DZIP3: variants seen among roughly 807,000 people sequenced by gnomAD.
The protein encoded by DZIP3 is DAZ interacting zinc finger protein 3.
A neutral mutation model predicts 162.0 loss-of-function variants in DZIP3; 118 were observed. The observed-to-expected ratio is 0.73, with a 90% CI of 0.63 to 0.85. The LOEUF (loss-of-function observed/expected upper bound fraction) is 0.85, where lower values mean the gene tolerates loss of function less well. Ranked by LOEUF, DZIP3 falls within the 40% of genes least tolerant of loss-of-function variation. The pLI is 0.00. For missense variants in DZIP3, 1,331 were observed against 1,407.0 expected (o/e 0.95, Z 0.86); for synonymous variants, 438 against 458.6 (o/e 0.96, Z 0.57).
Position 108,672,482 on chromosome 3 carries a change from T to C in DZIP3, c.2493-78T>C, listed in dbSNP as rs75393180. 1.5e-3 allele frequency: 1,839 copies of C among 1,190,792 alleles called. 15 individuals carry two copies. The African/African-American group carries it at 0.025, about 16-fold the overall frequency. 73.8% of individuals were successfully genotyped at this position (1,190,792 alleles called of 1,614,324 possible). ...AATTTCCTACTGATTGTATAACTTA[T>C]CTTTCTTCCTCCTGAATTAGATGAA... On this transcript the variant is annotated intron_variant, in intron 22 of 32. Transcript: ENST00000361582.
intron 5 of DZIP3, among the ~76,000 whole-genome samples, chr3:108,623,532 TTACTC>T (rs1356214366): frequency 6.6e-6 from 1 of 152,168 alleles, no homozygotes; most frequent in Non-Finnish European, 1.5e-5. Flanking sequence ...AAAATCGTCT[TTACTC>T]TTCTCTCTCC....
intron 26 of DZIP3, 29 bp from the exon 27 acceptor site, chr3:108,684,183 GTTGT>G: frequency 1.9e-6 from 3 of 1,568,154 alleles, no homozygotes; most frequent in Non-Finnish European, 2.6e-6. Flanking sequence ...GGGGGGGGGT[GTTGT>G]TTATTATTGT....
intron 5 of DZIP3, among the ~76,000 whole-genome samples, chr3:108,621,291 A>T (rs966154121): frequency 2.0e-5 from 3 of 152,140 alleles, no homozygotes; most frequent in Admixed American, 2.0e-4. Flanking sequence ...CCAGTTTTTA[A>T]AAAATTTTAT....
intron 26 of DZIP3, among the ~76,000 whole-genome samples, chr3:108,678,430 G>A (rs1180543106): frequency 1.3e-5 from 2 of 151,942 alleles, no homozygotes; most frequent in Non-Finnish European, 2.9e-5. Flanking sequence ...ACCGCTGCAC[G>A]AAATGACTGA....
chr3:108,688,936 A>C lies in DZIP3; in HGVS notation c.3516+12A>C, dbSNP rs375542684. On this transcript the variant is annotated intron_variant, in intron 31 of 32. Coordinates refer to ENST00000361582, the MANE Select transcript of DZIP3 (RefSeq NM_014648.4). ...AATTCCATGCTCAGGTAACACTTTA[A>C]ATTTTCCCATTAATCAGCTAAATGA... 1.9e-6 allele frequency: 3 copies of C among 1,611,934 alleles called. No homozygotes were observed. Among genetic ancestry groups the C allele is most frequent in the Non-Finnish European group, 2.5e-6 (3 of 1,178,118 alleles).
chr3:108,641,596 C>A (rs4855659), intron 12 of DZIP3, among the ~76,000 whole-genome samples: 1,951 of 152,300 alleles, frequency 0.013, 72 homozygotes, highest in East Asian at 0.081. Context: ...ATATCTATAA[C>A]TTTACTAGCT....
chr3:108,647,760 G>A (rs1576412665), intron 15 of DZIP3, among the ~76,000 whole-genome samples, 183 bp from the exon 16 acceptor site: 1 of 152,108 alleles, frequency 6.6e-6, no homozygotes, highest in Admixed American at 6.5e-5. Flanking sequence ...CCAGGCTGGT[G>A]TTTGTACATA....
At chr3:108,651,704 G>A (rs1942878262) in intron 18 of DZIP3, among the ~76,000 whole-genome samples, 1 of 151,508 alleles carries the variant, frequency 6.6e-6, no homozygotes, top group Non-Finnish European at 1.5e-5. Flanking sequence ...AACCTTTAAT[G>A]GAAACATTTT....
intron 32 of DZIP3, among the ~76,000 whole-genome samples, chr3:108,692,813 A>G (rs1944746370): frequency 6.6e-6 from 1 of 151,688 alleles, no homozygotes; most frequent in African/African-American, 2.4e-5. Flanking sequence ...CTTTTTGTCC[A>G]ATCATTTAAA....
chr3:108,691,037 G>C, intron 32 of DZIP3, 134 bp downstream of exon 32: 1 of 675,060 alleles, frequency 1.5e-6, no homozygotes, highest in Middle Eastern at 4.1e-4. Flanking sequence ...AGCCAAAGAA[G>C]TCAGGACAAA....
intron 17 of DZIP3, among the ~76,000 whole-genome samples, chr3:108,650,556 A>T (rs970619879): frequency 6.6e-6 from 1 of 151,762 alleles, no homozygotes; most frequent in Non-Finnish European, 1.5e-5. Context: ...TTTATTTGGT[A>T]TGTTGCCTTT....
chr3:108,594,259 A>C (rs1939586682), intron 1 of DZIP3, among the ~76,000 whole-genome samples: 1 of 152,040 alleles, frequency 6.6e-6, no homozygotes, highest in South Asian at 2.1e-4. Flanking sequence ...TGATTTCAGA[A>C]TCACCACTGT....
At chr3:108,616,966 C>T (rs1471837769) in intron 5 of DZIP3, among the ~76,000 whole-genome samples, 1 of 151,972 alleles carries the variant, frequency 6.6e-6, no homozygotes, top group Non-Finnish European at 1.5e-5. Context: ...AATGGGCTTT[C>T]CCAATCAGAA....
intron 23 of DZIP3, among the ~76,000 whole-genome samples, chr3:108,673,620 C>T (rs1187211405): frequency 2.0e-5 from 3 of 151,828 alleles, no homozygotes; most frequent in South Asian, 2.1e-4. Flanking sequence ...TCTCCCAAGC[C>T]CGTTTCTGTC....
At chr3:108,668,848 C>T (rs1943797714) in intron 21 of DZIP3, among the ~76,000 whole-genome samples, 1 of 151,868 alleles carries the variant, frequency 6.6e-6, no homozygotes, top group Non-Finnish European at 1.5e-5. Context: ...TGTATTATTC[C>T]AACCAAAACT....
rs761676157 is a variant in DZIP3, at chr3:108,636,592, A to AT, written c.919-17dup. 2.8e-6 allele frequency: 4 copies of AT among 1,445,366 alleles called. No homozygotes were observed. In the African/African-American group the frequency reaches 6.2e-5, roughly 23 times the overall value. The allele number at this position is 1,445,366 out of a possible 1,614,324, so 89.5% of individuals were successfully genotyped here. On this transcript the variant is annotated intron_variant, in intron 10 of 32. Coordinates refer to ENST00000361582, the MANE Select transcript of DZIP3 (RefSeq NM_014648.4). ...ACATCAGTGATTTTTTTCTATTTTT[A>AT]TTTTTTTCTATTAATAAATTTAGAG...
chr3:108,597,095 C>A (rs568516612), intron 1 of DZIP3, among the ~76,000 whole-genome samples: 17 of 152,142 alleles, frequency 1.1e-4, no homozygotes, highest in Non-Finnish European at 2.2e-4. Flanking sequence ...AGAAATGTTA[C>A]CTTTGTCACA....
At chr3:108,683,294 T>C (rs1227644732) in intron 26 of DZIP3, among the ~76,000 whole-genome samples, 2 of 132,474 alleles carry the variant, frequency 1.5e-5, no homozygotes, top group East Asian at 1.9e-4. Context: ...GTTTAAAAAA[T>C]CTCTTTTTCT....
Position 108,634,909 on chromosome 3 carries a change from T to C in DZIP3, c.855T>C (p.Val285=). 6.2e-7 allele frequency: 1 copy of C among 1,610,770 alleles called. No individual in the cohort carries two copies. Among genetic ancestry groups the C allele is most frequent in the South Asian group, 1.1e-5 (1 of 90,584 alleles). The change falls in exon 10 of 33, where the codon GTT becomes GTC. Residue 285 remains valine (V), a synonymous_variant. Coordinates refer to ENST00000361582, the MANE Select transcript of DZIP3 (RefSeq NM_014648.4). ...TAATGTGCAGTAAAAGTTGCTGTGT[T>C]TATTTCCATAAAATTTGCTGGAAAA... ...FQLMCSKSCC[V]YFHKICWKKF...
Sources: allele counts gnomAD v4.1 joint callset (sites outside exome capture counted in the v4.1 genomes callset), GRCh38; gene constraint gnomAD v4.1.1; transcripts MANE v1.5; gene names NCBI Gene and HGNC (gene_info 2026-07-23, HGNC 2026-07-21).